The following GPR158 variants were observed in gnomAD, a reference collection of about 807,000 sequenced individuals.
GPR158 encodes the protein G protein-coupled receptor 158.
Under a neutral mutation model 78.2 loss-of-function variants are expected in GPR158, and 30 were observed. That is an observed-to-expected ratio of 0.38 (90% CI 0.29 to 0.52). GPR158 has a LOEUF of 0.52. Among genes scored for constraint, GPR158 ranks in the 20% least tolerant of loss-of-function variants. The pLI is 0.83. For synonymous variants in GPR158, 581 were observed against 591.1 expected (o/e 0.98, Z 0.25); for missense variants, 1,463 against 1,523.5 (o/e 0.96, Z 0.66).
At chr10:25,179,017 A>T (rs1852578901) in intron 1 of GPR158, among the ~76,000 whole-genome samples, 1 of 152,232 alleles carries the variant, frequency 6.6e-6, no homozygotes, top group South Asian at 2.1e-4. Context: ...ATTACTTATG[A>T]CAACCAAAAA....
At chr10:25,494,627 T>C (rs1159582854) in intron 5 of GPR158, among the ~76,000 whole-genome samples, 1 of 152,120 alleles carries the variant, frequency 6.6e-6, no homozygotes, top group Non-Finnish European at 1.5e-5. Context: ...GTACCAAAAT[T>C]TATTTAAGTG....
At chr10:25,293,091 G>A (rs113668807) in intron 2 of GPR158, among the ~76,000 whole-genome samples, 119 of 152,274 alleles carry the variant, frequency 7.8e-4, no homozygotes, top group African/African-American at 2.7e-3. Context: ...CAAGTACATT[G>A]ATCTCTAAAT....
chr10:25,412,825 T>C (rs1307487393), intron 4 of GPR158, among the ~76,000 whole-genome samples: 5 of 152,230 alleles, frequency 3.3e-5, no homozygotes, highest in African/African-American at 1.2e-4. Context: ...AGCTTTGTTA[T>C]GTTTATTATA....
At position 25,600,934 on chromosome 10, in the gene GPR158, G is replaced by A. The variant is rs1369807154; in HGVS notation, c.*1660G>A. 6.6e-6 allele frequency: 1 copy of A among 152,144 alleles called. No individual in the cohort carries two copies. The highest frequency in any genetic ancestry group is 1.5e-5 in the Non-Finnish European group (1 of 68,034). The allele number at this position is 152,144 out of a possible 1,614,324, so 9.4% of individuals were successfully genotyped here. A position where few individuals can be genotyped will look rare whatever the true frequency, so the allele number is the denominator to read the frequency against. On this transcript the variant is annotated 3_prime_UTR_variant, in exon 11 of 11. Coordinates refer to ENST00000376351, the MANE Select transcript of GPR158 (RefSeq NM_020752.3). ...GCTCAGTCTCATTTCATTTAAAGAA[G>A]AATCACTCAGAAATAGAACCGAGAC...
chr10:25,530,084 G>A (rs1040868333), intron 5 of GPR158, among the ~76,000 whole-genome samples: 2 of 152,072 alleles, frequency 1.3e-5, no homozygotes, highest in African/African-American at 4.8e-5. Flanking sequence ...GGTTGTAGGT[G>A]GGGAGGCGGG....
chr10:25,581,974 T>C (rs1837206634), intron 7 of GPR158, among the ~76,000 whole-genome samples: 1 of 152,134 alleles, frequency 6.6e-6, no homozygotes, highest in Non-Finnish European at 1.5e-5. Context: ...AGGCACGTCT[T>C]AAATGGCGGC....
intron 2 of GPR158, among the ~76,000 whole-genome samples, chr10:25,248,951 G>A (rs1332283812): frequency 6.6e-6 from 1 of 150,718 alleles, no homozygotes; most frequent in Non-Finnish European, 1.5e-5. Flanking sequence ...CCATGAGCAT[G>A]GAATGTTCTT....
rs1169729836 is a variant in GPR158, at chr10:25,219,882, T to C, written c.903-1170T>C. Among the ~76,000 whole-genome samples the C allele has an allele frequency of 2.0e-5, 3 of 152,228 alleles. 1 individual carries two copies. The highest frequency in any genetic ancestry group is 2.0e-4 in the Admixed American group (3 of 15,286). ...CCTGTTTTGAGAGGTGATTTTGTTT[T>C]GGCAAAGCATAATGTTTGGTTTTCT... On this transcript the variant is annotated intron_variant, in intron 1 of 10. Coordinates refer to ENST00000376351, the MANE Select transcript of GPR158 (RefSeq NM_020752.3).
intron 2 of GPR158, among the ~76,000 whole-genome samples, chr10:25,301,904 G>A (rs1854601153): frequency 6.6e-6 from 1 of 152,094 alleles, no homozygotes; most frequent in Admixed American, 6.5e-5. Flanking sequence ...TACCTCCTCT[G>A]CCAGGCAACT....
chr10:25,398,951 A>C (rs1042886362), intron 3 of GPR158, among the ~76,000 whole-genome samples: 9 of 152,310 alleles, frequency 5.9e-5, no homozygotes, highest in African/African-American at 1.9e-4. Flanking sequence ...GTTAGGAACC[A>C]GGCCGCACAG....
intron 1 of GPR158, among the ~76,000 whole-genome samples, chr10:25,217,970 C>A (rs1301886190): frequency 2.0e-5 from 3 of 152,072 alleles, no homozygotes; most frequent in Non-Finnish European, 4.4e-5. Flanking sequence ...GCCCTTCAAC[C>A]CCTGAGATGC....
At chr10:25,501,796 CAT>C (rs1261082032) in intron 5 of GPR158, among the ~76,000 whole-genome samples, 1 of 152,176 alleles carries the variant, frequency 6.6e-6, no homozygotes, top group Non-Finnish European at 1.5e-5. Context: ...TGAGGGAAAT[CAT>C]AGTTTCCATT....
intron 4 of GPR158, among the ~76,000 whole-genome samples, chr10:25,447,488 T>C (rs760791708): frequency 6.6e-6 from 1 of 152,238 alleles, no homozygotes; most frequent in Non-Finnish European, 1.5e-5. Flanking sequence ...AGCTCGTTTC[T>C]GTTAGTTTCT....
intron 1 of GPR158, among the ~76,000 whole-genome samples, chr10:25,197,516 A>G (rs1852858696): frequency 6.6e-6 from 1 of 152,204 alleles, no homozygotes; most frequent in Admixed American, 6.5e-5. Flanking sequence ...AAGAGTATTT[A>G]AATTTAAGAA....
intron 1 of GPR158, among the ~76,000 whole-genome samples, chr10:25,198,048 T>C (rs911778230): frequency 6.6e-6 from 1 of 152,198 alleles, no homozygotes; most frequent in Non-Finnish European, 1.5e-5. Context: ...ACTCAAGATA[T>C]ATTTTTCAGG....
At chr10:25,243,074 G>A (rs1038694188) in intron 2 of GPR158, among the ~76,000 whole-genome samples, 1 of 152,210 alleles carries the variant, frequency 6.6e-6, no homozygotes, top group Non-Finnish European at 1.5e-5. Flanking sequence ...ACTACATCAA[G>A]TGCAATCTTG....
intron 5 of GPR158, among the ~76,000 whole-genome samples, chr10:25,498,632 A>G (rs1835915320): frequency 6.6e-6 from 1 of 152,172 alleles, no homozygotes; most frequent in Non-Finnish European, 1.5e-5. Context: ...CAGCTGTCTA[A>G]TATTTGTAAA....
intron 1 of GPR158, among the ~76,000 whole-genome samples, chr10:25,199,116 C>A (rs1412436958): frequency 6.7e-6 from 1 of 149,222 alleles, no homozygotes; most frequent in Non-Finnish European, 1.5e-5. Context: ...ACTTTGGGCT[C>A]AAATAAAGTT....
At chr10:25,363,414 G>T (rs186076444) in intron 2 of GPR158, among the ~76,000 whole-genome samples, 42 of 151,978 alleles carry the variant, frequency 2.8e-4, no homozygotes, top group African/African-American at 9.4e-4. Flanking sequence ...TTAGATGTGT[G>T]ACCTAAGATG....
Sources: allele counts gnomAD v4.1 joint callset (sites outside exome capture counted in the v4.1 genomes callset), GRCh38; gene constraint gnomAD v4.1.1; transcripts MANE v1.5; gene names NCBI Gene and HGNC (gene_info 2026-07-23, HGNC 2026-07-21).